Variants in CIZ1 observed in about 807,000 individuals in gnomAD.
The protein encoded by CIZ1 is CDKN1A interacting zinc finger protein 1.
A neutral mutation model predicts 118.6 loss-of-function variants in CIZ1; 58 were observed. That is an observed-to-expected ratio of 0.49 (90% CI 0.40 to 0.61). The LOEUF is 0.61. CIZ1 is among the 20% of genes least tolerant of loss of function. The pLI, the probability that CIZ1 is intolerant of heterozygous loss-of-function variation, is 0.00. For synonymous variants in CIZ1, 448 were observed against 443.4 expected (o/e 1.01, Z -0.13); for missense variants, 921 against 1,115.9 (o/e 0.83, Z 2.49).
Position 128,169,394 on chromosome 9 carries a change from A to AG in CIZ1, c.2145+11dup, listed in dbSNP as rs778260735. The AG allele has an allele frequency of 7.5e-6, 12 of 1,605,612 alleles. No homozygotes were observed. Among genetic ancestry groups the AG allele is most frequent in the Non-Finnish European group, 1.0e-5 (12 of 1,172,398 alleles). On this transcript the variant is annotated intron_variant, in intron 13 of 16. Coordinates refer to ENST00000372938, the MANE Select transcript of CIZ1 (RefSeq NM_001131016.2). ...TCTCTGGGCCCATGTCCTCTGAGGG[A>AG]GCTCAGGTTACCTCCTTGGCTTTGT...
intron 1 of CIZ1, among the ~76,000 whole-genome samples, chr9:128,201,974 C>G (rs147891407): frequency 3.5e-4 from 53 of 152,324 alleles, no homozygotes; most frequent in African/African-American, 1.0e-3. Context: ...CACCCTACCC[C>G]GCCCCTGCTT....
chr9:128,198,798 C>CTCCA (rs1402749918), intron 1 of CIZ1, among the ~76,000 whole-genome samples: 1 of 151,760 alleles, frequency 6.6e-6, no homozygotes, highest in African/African-American at 2.4e-5. Context: ...TGCCACTGCA[C>CTCCA]TCCAGCCTGG....
In CIZ1 at chr9:128,190,869, G is replaced by T; in HGVS notation, c.-5-7C>A. On this transcript the variant is annotated splice_region_variant and splice_polypyrimidine_tract_variant and intron_variant, in intron 1 of 16. Coordinates refer to ENST00000372938, the MANE Select transcript of CIZ1 (RefSeq NM_001131016.2). The stretch of plus-strand genomic sequence containing the variant: ...TGCTGGCTGAACATGGTGGCTAGGG[G>T]CAGAAAGCAGAGTGAGGCAAGGGGT... The T allele has an allele frequency of 6.5e-7, 1 of 1,533,688 alleles. No homozygotes were observed. The highest frequency in any genetic ancestry group is 1.2e-5 in the South Asian group (1 of 81,426).
chr9:128,171,855 G>C (rs1830161614), intron 11 of CIZ1, among the ~76,000 whole-genome samples: 1 of 151,824 alleles, frequency 6.6e-6, no homozygotes, highest in African/African-American at 2.4e-5. Context: ...AAATCATAAA[G>C]GAAAAAACTG....
intron 9 of CIZ1, 132 bp from the exon 10 acceptor site, chr9:128,177,895 G>T: frequency 3.0e-6 from 2 of 665,938 alleles, no homozygotes; most frequent in Non-Finnish European, 4.9e-6. Context: ...TGAGCTGTTA[G>T]CTGACTACCC....
intron 2 of CIZ1, 24 bp from the exon 3 acceptor site, chr9:128,190,468 G>T (rs760622145): frequency 1.3e-6 from 2 of 1,566,110 alleles, no homozygotes; most frequent in Non-Finnish European, 8.7e-7. Context: ...GGGGGTGTCA[G>T]AGGGTTATTT....
Position 128,167,152 on chromosome 9 carries a change from C to A in CIZ1, c.2308G>T (p.Asp770Tyr). 6.3e-7 allele frequency: 1 copy of A among 1,588,938 alleles called. No individual in the cohort carries two copies. Residue 770 changes from aspartate to tyrosine, a missense_variant, in exon 15 of 17, where the codon GAT becomes TAT. Physicochemically the swap from Asp to Tyr is radical, Grantham distance 160. Coordinates refer to ENST00000372938, the MANE Select transcript of CIZ1 (RefSeq NM_001131016.2). ...CCCTTCCACTCCTCTCTGGATATAT[C>A]TCTGGACCTCACCTGAAAACATGCA... ...EELCKQVRSR[D>Y]ISREEWKGSE...
rs1488556497 is a variant in CIZ1 at position 128,178,875 on chromosome 9, C to G, written c.1332G>C (p.Gln444His). 6.2e-7 allele frequency: 1 copy of G among 1,614,240 alleles called. No individual in the cohort carries two copies. Among genetic ancestry groups the G allele is most frequent in the Non-Finnish European group, 8.5e-7 (1 of 1,180,042 alleles). ...CCTGCGCTGGAGGATGCTCCTGTGG[C>G]TGGACGCTTGGCTGTGCCTGTGTGT... ...QVHTQAQPSV[Q>H]PQEHPPAQVS... Residue 444 changes from glutamine (Q) to histidine (H), a missense_variant, in exon 8 of 17, where the codon CAG becomes CAC. Coordinates refer to ENST00000372938, the MANE Select transcript of CIZ1 (RefSeq NM_001131016.2).
intron 3 of CIZ1, among the ~76,000 whole-genome samples, chr9:128,189,756 G>A (rs1191274136): frequency 1.3e-5 from 2 of 148,524 alleles, no homozygotes; most frequent in Non-Finnish European, 3.0e-5. Context: ...GGAACCGGAG[G>A]TTGCAGTGAG....
chr9:128,172,147 CAAA>C (rs58895140), intron 11 of CIZ1, among the ~76,000 whole-genome samples: 1,255 of 69,182 alleles, frequency 0.018, 36 homozygotes, highest in African/African-American at 0.067. Flanking sequence ...GACACTGTCT[CAAA>C]AAAAAAAAAA....
At chr9:128,192,674 C>G (rs1833244564), upstream of CIZ1, among the ~76,000 whole-genome samples, 1 of 152,206 alleles carries the variant, frequency 6.6e-6, no homozygotes, top group Non-Finnish European at 1.5e-5. Context: ...TCCAGAATAC[C>G]TGGGACTACA....
rs1831261394 is a variant in CIZ1 at position 128,179,289 on chromosome 9, T to G, written c.918A>C (p.Gln306His). Residue 306 changes from glutamine to histidine, a missense_variant, in exon 8 of 17, where the codon CAA becomes CAC. Gln to His is a conservative substitution (Grantham distance 24, BLOSUM62 0). Transcript: ENST00000372938. ...PDLLPEALEA[Q>H]VLPRFQPRVL... ...CCCGTGGCTGGAATCGTGGCAGCAC[T>G]TGGGCTTCCAGGGCCTCAGGCAGCA... The G allele has an allele frequency of 6.2e-7, 1 of 1,614,130 alleles. No homozygotes were observed. Among genetic ancestry groups the G allele is most frequent in the East Asian group, 2.2e-5 (1 of 44,880 alleles).
At chr9:128,168,530 A>G (rs989301973) in intron 14 of CIZ1, among the ~76,000 whole-genome samples, 4 of 146,524 alleles carry the variant, frequency 2.7e-5, no homozygotes, top group Non-Finnish European at 4.5e-5. Context: ...AAAAAAAAGA[A>G]AAAAAAAAAA....
chr9:128,191,821 A>T, upstream of CIZ1: 1 of 1,457,820 alleles, frequency 6.9e-7, no homozygotes, highest in Non-Finnish European at 9.0e-7. This position sits in a 1 kb window ranked among gnomAD's most constrained non-coding sequence, Gnocchi z 5.5. Context: ...CCCGCGGGGC[A>T]TCGAGGGGGA....
Position 128,177,546 on chromosome 9 carries a change from C to CCCAA in CIZ1, c.1818+19_1818+20insTTGG. On this transcript the variant is annotated intron_variant, in intron 10 of 16. Coordinates refer to ENST00000372938, the MANE Select transcript of CIZ1 (RefSeq NM_001131016.2). ...CACGCAGGCCCCACCCCTCCCCACC[C>CCCAA]TTATCTCCTGTATCAGTACCTGCTG... 7.4e-7 allele frequency: 1 copy of CCCAA among 1,353,454 alleles called. No individual in the cohort carries two copies. 83.8% of individuals were successfully genotyped at this position (1,353,454 alleles called of 1,614,324 possible).
chr9:128,194,834 A>G (rs555898214), upstream of CIZ1, among the ~76,000 whole-genome samples: 2 of 151,630 alleles, frequency 1.3e-5, no homozygotes, highest in Admixed American at 6.5e-5. Flanking sequence ...AACAAAAAAA[A>G]AGAGACAGGG....
chr9:128,189,846 A>C (rs1832910766), intron 3 of CIZ1, among the ~76,000 whole-genome samples: 2 of 149,414 alleles, frequency 1.3e-5, no homozygotes, highest in South Asian at 4.2e-4. Context: ...AAAAAAAAAA[A>C]AAAAAAAAAA....
rs1197318047 is a variant in CIZ1, at chr9:128,203,704, C to G, written c.-6+482G>C. ...CTGGAGTCCCCGCCCGGGGCACTGA[C>G]GGCGCGGCGACCTCGCAGCCCCCGA... On this transcript the variant is annotated intron_variant, in intron 1 of 17. Coordinates refer to the CIZ1 transcript ENST00000372948. The surrounding 1 kb of genome is among the most constrained non-coding windows in gnomAD (Gnocchi z 5.3). 1.5e-6 allele frequency: 2 copies of G among 1,334,648 alleles called. No homozygotes were observed. The highest frequency in any genetic ancestry group is 9.6e-7 in the Non-Finnish European group (1 of 1,041,556). The allele number at this position is 1,334,648 out of a possible 1,614,324, so 82.7% of individuals were successfully genotyped here. A position where few individuals can be genotyped will look rare whatever the true frequency, so the allele number is the denominator to read the frequency against.
rs1224506182 is a variant in CIZ1 at position 128,180,243 on chromosome 9, C to A, written c.791+172G>T. 3.9e-5 allele frequency among the ~76,000 whole-genome samples: 6 copies of A among 152,194 alleles called. No homozygotes were observed. In the East Asian group the frequency reaches 1.2e-3, roughly 29 times the overall value. On this transcript the variant is annotated intron_variant, in intron 7 of 16. Coordinates refer to ENST00000372938, the MANE Select transcript of CIZ1 (RefSeq NM_001131016.2). ...ACACCAGAGTCTGGCTGGGAGCTTC[C>A]CCAGGTCAGGTGCGGAAATAAGTAA...
Sources: gnomAD v4.1 joint callset for allele counts (sites outside exome capture counted in the v4.1 genomes callset) on GRCh38, gnomAD v4.1.1 for gene constraint, Gnocchi (gnomAD v3.1) non-coding constraint, MANE v1.5 for transcripts, NCBI Gene and HGNC (gene_info 2026-07-23, HGNC 2026-07-21) for gene names.